CFAP20DC: variants seen among roughly 807,000 people sequenced by gnomAD.
The protein encoded by CFAP20DC is protein CFAP20DC.
CFAP20DC carries 84 observed loss-of-function variants against 101.7 expected under a neutral mutation model. The ratio of observed to expected loss-of-function variants is 0.83; its 90% CI spans 0.69 to 0.99. CFAP20DC has a LOEUF of 0.99. Among genes scored for constraint, CFAP20DC ranks in the 50% least tolerant of loss-of-function variants. CFAP20DC has a pLI of 0.00. For synonymous variants in CFAP20DC, 359 were observed against 351.2 expected (o/e 1.02, Z -0.25); for missense variants, 1,007 against 970.3 (o/e 1.04, Z -0.50).
At chr3:58,855,388 G>A (rs2078680710) in intron 12 of CFAP20DC, among the ~76,000 whole-genome samples, 2 of 152,126 alleles carry the variant, frequency 1.3e-5, no homozygotes, top group South Asian at 2.1e-4. Flanking sequence ...CACTGTTGCT[G>A]GGACTGTAAA....
chr3:58,877,240 T>C (rs752930293), intron 7 of CFAP20DC, among the ~76,000 whole-genome samples: 16 of 152,198 alleles, frequency 1.1e-4, no homozygotes, highest in Non-Finnish European at 1.9e-4. Flanking sequence ...ATTGCTCTAG[T>C]ACTGTGTAAG....
At chr3:58,900,572 T>C (rs1163366691) in intron 6 of CFAP20DC, among the ~76,000 whole-genome samples, 1 of 152,230 alleles carries the variant, frequency 6.6e-6, no homozygotes, top group Non-Finnish European at 1.5e-5. Flanking sequence ...GATTAACATC[T>C]AGATAAGGAC....
intron 4 of CFAP20DC, among the ~76,000 whole-genome samples, chr3:59,025,667 A>T (rs148817675): frequency 6.6e-6 from 1 of 152,250 alleles, no homozygotes; most frequent in African/African-American, 2.4e-5. Context: ...AATAAGTGGT[A>T]GAGCCAGTAA....
At chr3:58,780,171 T>C (rs573509474) in intron 15 of CFAP20DC, among the ~76,000 whole-genome samples, 24 of 152,078 alleles carry the variant, frequency 1.6e-4, no homozygotes, top group Non-Finnish European at 2.6e-4. Context: ...AAGCAAAAGC[T>C]GAGGGAATTT....
chr3:58,993,048 A>G, intron 4 of CFAP20DC, among the ~76,000 whole-genome samples: 1 of 152,312 alleles, frequency 6.6e-6, no homozygotes, highest in East Asian at 1.9e-4. Context: ...TACAAAGGAG[A>G]AAAACGTGGG....
downstream of CFAP20DC, among the ~76,000 whole-genome samples, chr3:58,717,129 T>C (rs530331870): frequency 3.3e-5 from 5 of 151,802 alleles, no homozygotes; most frequent in Admixed American, 6.6e-5. This position sits in a 1 kb window ranked among gnomAD's most constrained non-coding sequence, Gnocchi z 4.1. Flanking sequence ...ATCAGTGTAA[T>C]GTCATCAATG....
chr3:58,830,430 C>A (rs931185078), intron 14 of CFAP20DC, among the ~76,000 whole-genome samples: 1 of 152,248 alleles, frequency 6.6e-6, no homozygotes, highest in South Asian at 2.1e-4. Context: ...AAGAGCTCTG[C>A]AACAGTGCTT....
At chr3:58,800,110 C>A (rs868083700) in intron 15 of CFAP20DC, among the ~76,000 whole-genome samples, 1 of 152,066 alleles carries the variant, frequency 6.6e-6, no homozygotes, top group African/African-American at 2.4e-5. Flanking sequence ...CCAGGGTAAG[C>A]GTAATTTGGT....
In CFAP20DC at chr3:58,732,132, A is replaced by C. The variant is rs1401175134; in HGVS notation, c.198-14504T>G. ...GATGAGGACAATCATCAAGAGAGTCATTTCAACTCAGTGGTAAGATTACAA... is the reference window on the plus strand; with the variant it reads ...GATGAGGACAATCATCAAGAGAGTCCTTTCAACTCAGTGGTAAGATTACAA... On this transcript the variant is annotated intron_variant, in intron 3 of 3. Transcript: ENST00000486145. The surrounding 1 kb of genome is among the most constrained non-coding windows in gnomAD (Gnocchi z 5.4). Among the ~76,000 whole-genome samples the C allele has an allele frequency of 3.9e-5, 6 of 152,230 alleles. No individual in the cohort carries two copies. Among genetic ancestry groups the C allele is most frequent in the African/African-American group, 1.4e-4 (6 of 41,462 alleles).
chr3:58,742,458 C>A lies in CFAP20DC; in HGVS notation c.*2G>T, dbSNP rs376778350. ...GCCTGCTCTCTGCCCCGGAAGGAGG[C>A]ATTATACCAACTCATAGTATTTCCC... On this transcript the variant is annotated 3_prime_UTR_variant, in exon 17 of 17. Transcript: ENST00000482387. 49 of 1,596,864 alleles carry A rather than the reference C, an allele frequency of 3.1e-5. No individual in the cohort carries two copies. Among genetic ancestry groups the A allele is most frequent in the Middle Eastern group, 3.3e-4 (2 of 6,060 alleles).
At chr3:58,808,664 C>T (rs1426578711) in intron 14 of CFAP20DC, among the ~76,000 whole-genome samples, 1 of 152,148 alleles carries the variant, frequency 6.6e-6, no homozygotes, top group African/African-American at 2.4e-5. Flanking sequence ...AACTAATGAG[C>T]AAAATAACCA....
chr3:58,958,341 A>G (rs2090830376), intron 4 of CFAP20DC, among the ~76,000 whole-genome samples: 1 of 152,166 alleles, frequency 6.6e-6, no homozygotes, highest in African/African-American at 2.4e-5. Flanking sequence ...AGATTCATTC[A>G]TATTGCAGAA....
chr3:58,830,082 G>A (rs746289533), intron 14 of CFAP20DC, among the ~76,000 whole-genome samples: 4 of 152,110 alleles, frequency 2.6e-5, no homozygotes, highest in Admixed American at 1.3e-4. Flanking sequence ...TTCTGGGTGC[G>A]TGGATACTTT....
chr3:58,722,346 GTCT>G lies in CFAP20DC; in HGVS notation c.198-4721_198-4719del, dbSNP rs2067484665. Among the ~76,000 whole-genome samples the G allele has an allele frequency of 6.6e-6, 1 of 152,172 alleles. No homozygotes were observed. The highest frequency in any genetic ancestry group is 1.5e-5 in the Non-Finnish European group (1 of 68,028). On this transcript the variant is annotated intron_variant, in intron 3 of 3. Coordinates refer to the CFAP20DC transcript ENST00000486145. This position sits in a 1 kb window ranked among gnomAD's most constrained non-coding sequence, Gnocchi z 4.5. Reference sequence around the variant, plus strand: ...CCATGCGTGTACTACTATGGTAGTGGTCTTATATCACTCAAGTTTGGGGTGGTT... The same window carrying G: ...CCATGCGTGTACTACTATGGTAGTGGTATATCACTCAAGTTTGGGGTGGTT...
At chr3:58,754,618 C>T (rs2068800347) in intron 15 of CFAP20DC, among the ~76,000 whole-genome samples, 2 of 152,160 alleles carry the variant, frequency 1.3e-5, no homozygotes, top group Admixed American at 1.3e-4. Flanking sequence ...TCTTGCACTG[C>T]TATTAGTGCC....
chr3:58,934,511 C>T (rs1411216891), intron 5 of CFAP20DC, among the ~76,000 whole-genome samples: 1 of 152,078 alleles, frequency 6.6e-6, no homozygotes, highest in Non-Finnish European at 1.5e-5. Flanking sequence ...AACATTGATG[C>T]AAAAATCCTC....
chr3:58,818,502 T>C (rs902029656), intron 14 of CFAP20DC, among the ~76,000 whole-genome samples: 27 of 151,432 alleles, frequency 1.8e-4, no homozygotes, highest in Admixed American at 4.6e-4. Flanking sequence ...TAGTCTCTGA[T>C]AAAACAGACT....
intron 15 of CFAP20DC, among the ~76,000 whole-genome samples, chr3:58,754,312 C>A (rs905404185): frequency 2.6e-5 from 4 of 152,154 alleles, no homozygotes; most frequent in African/African-American, 9.7e-5. Context: ...TGGACCCCAG[C>A]AGTGGTGGGA....
intron 13 of CFAP20DC, 55 bp from the exon 14 acceptor site, chr3:58,831,944 C>T: frequency 3.4e-6 from 5 of 1,471,782 alleles, no homozygotes; most frequent in Non-Finnish European, 4.7e-6. Flanking sequence ...TCTACGGCTA[C>T]TAACAAATGC....
Sources: gnomAD v4.1 joint callset for allele counts (sites outside exome capture counted in the v4.1 genomes callset) on GRCh38, gnomAD v4.1.1 for gene constraint, Gnocchi (gnomAD v3.1) non-coding constraint, MANE v1.5 for transcripts, NCBI Gene and HGNC (gene_info 2026-07-23, HGNC 2026-07-21) for gene names.